Variants in ADGRL3 observed in about 807,000 individuals in gnomAD.
ADGRL3 encodes the protein calcium-independent alpha-latrotoxin receptor 3.
In ADGRL3, 62 loss-of-function variants were observed where a neutral mutation model predicts 153.5. The observed-to-expected ratio is 0.40, with a 90% CI of 0.33 to 0.50. The LOEUF is 0.50. Among genes scored for constraint, ADGRL3 ranks in the 20% least tolerant of loss-of-function variants. ADGRL3 has a pLI of 0.47. For synonymous variants in ADGRL3, 710 were observed against 672.5 expected (o/e 1.06, Z -0.86); for missense variants, 1,641 against 1,859.4 (o/e 0.88, Z 2.16).
chr4:61,455,012 A>T (rs2097718209), intron 2 of ADGRL3, among the ~76,000 whole-genome samples: 1 of 152,160 alleles, frequency 6.6e-6, no homozygotes, highest in Non-Finnish European at 1.5e-5. Context: ...TTTTTCTTGT[A>T]AGTTAGAGCA....
intron 9 of ADGRL3, among the ~76,000 whole-genome samples, chr4:61,881,907 G>A (rs2098510962): frequency 1.3e-5 from 2 of 152,298 alleles, no homozygotes; most frequent in African/African-American, 2.4e-5. Flanking sequence ...TAAGAAAAGA[G>A]TCTAAATCTA....
In ADGRL3 at chr4:61,217,437, G is replaced by A. The variant is rs116501015; in HGVS notation, c.-240+15672G>A. Among the ~76,000 whole-genome samples, 739 of 152,292 alleles carry A rather than the reference G, an allele frequency of 4.9e-3. 7 individuals carry two copies. Among genetic ancestry groups the A allele is most frequent in the African/African-American group, 0.017 (698 of 41,554 alleles). On this transcript the variant is annotated intron_variant, in intron 1 of 26. Coordinates refer to ENST00000683033, the MANE Select transcript of ADGRL3 (RefSeq NM_001387552.1). Reference sequence around the variant, plus strand: ...GACCCAAGCATGTTCTGGTGGAGGAGGTTAATAGAGCTGAGTACAGAGAGG... The same window carrying A: ...GACCCAAGCATGTTCTGGTGGAGGAAGTTAATAGAGCTGAGTACAGAGAGG...
chr4:61,329,113 C>A (rs1229692620), intron 1 of ADGRL3, among the ~76,000 whole-genome samples: 1 of 152,128 alleles, frequency 6.6e-6, no homozygotes, highest in Non-Finnish European at 1.5e-5. Flanking sequence ...CTGATTTTCT[C>A]CCTCTTCCTT....
intron 2 of ADGRL3, among the ~76,000 whole-genome samples, chr4:61,443,353 A>G (rs1375463669): frequency 6.6e-6 from 1 of 152,184 alleles, no homozygotes; most frequent in Non-Finnish European, 1.5e-5. Flanking sequence ...AGTAATTTTT[A>G]TCTTTTAAAG....
chr4:61,660,588 A>G (rs1350732837), intron 5 of ADGRL3, among the ~76,000 whole-genome samples: 1 of 152,134 alleles, frequency 6.6e-6, no homozygotes, highest in Non-Finnish European at 1.5e-5. Context: ...CCCTAACTAA[A>G]TGGTTTCCTA....
chr4:61,499,574 A>C (rs1337878853), intron 3 of ADGRL3, among the ~76,000 whole-genome samples: 2 of 152,208 alleles, frequency 1.3e-5, no homozygotes, highest in African/African-American at 2.4e-5. Flanking sequence ...AATGTAGTAC[A>C]GTGCATAGAA....
At chr4:61,454,416 C>T (rs2097710431) in intron 2 of ADGRL3, among the ~76,000 whole-genome samples, 2 of 152,010 alleles carry the variant, frequency 1.3e-5, no homozygotes, top group Admixed American at 6.6e-5. Flanking sequence ...TTTAAATTTA[C>T]TTCAAAGTAA....
intron 25 of ADGRL3, among the ~76,000 whole-genome samples, chr4:62,065,923 T>A (rs999840611): frequency 6.6e-6 from 1 of 152,078 alleles, no homozygotes; most frequent in Non-Finnish European, 1.5e-5. Flanking sequence ...TGGTTATTGC[T>A]ACTTGGATTG....
intron 2 of ADGRL3, among the ~76,000 whole-genome samples, chr4:61,465,035 A>T (rs527863030): frequency 2.0e-5 from 3 of 152,194 alleles, no homozygotes; most frequent in Non-Finnish European, 4.4e-5. Flanking sequence ...TGGGGTCCCG[A>T]TGCTCAACCA....
At chr4:61,612,936 A>G (rs1193871480) in intron 5 of ADGRL3, among the ~76,000 whole-genome samples, 5 of 152,190 alleles carry the variant, frequency 3.3e-5, no homozygotes, top group African/African-American at 1.2e-4. Context: ...AGAGAGAAGA[A>G]GAAATCTTAG....
In ADGRL3 at chr4:61,615,310, C is replaced by T. The variant is rs1038334142; in HGVS notation, c.473+27870C>T. On this transcript the variant is annotated intron_variant, in intron 5 of 26. Coordinates refer to ENST00000683033, the MANE Select transcript of ADGRL3 (RefSeq NM_001387552.1). ...ATAAAAAGAGTAATTGATCATTTGT[C>T]CTGTCCTTCAAAAGTTCACAGTCGA... is the stretch of plus-strand genomic sequence containing the variant. Among the ~76,000 whole-genome samples the T allele has an allele frequency of 2.0e-5, 3 of 151,910 alleles. No individual in the cohort carries two copies. The South Asian group carries it at 6.2e-4, about 32-fold the overall frequency.
chr4:61,512,447 T>A (rs1209809972), intron 3 of ADGRL3, among the ~76,000 whole-genome samples: 1 of 152,142 alleles, frequency 6.6e-6, no homozygotes, highest in African/African-American at 2.4e-5. Context: ...GGCATTTTTA[T>A]AACCTACTGA....
chr4:61,640,860 T>C (rs1032068681), intron 5 of ADGRL3, among the ~76,000 whole-genome samples: 23 of 152,204 alleles, frequency 1.5e-4, no homozygotes, highest in African/African-American at 5.5e-4. Flanking sequence ...TTATTGTCCT[T>C]TGTGAATTAA....
rs114847066 is a variant in ADGRL3 at position 61,880,812 on chromosome 4, C to T, written c.1481-11844C>T. 7.9e-3 allele frequency among the ~76,000 whole-genome samples: 1,201 copies of T among 152,042 alleles called. 20 individuals are homozygous for T. The highest frequency in any genetic ancestry group is 0.028 in the African/African-American group (1,152 of 41,494). On this transcript the variant is annotated intron_variant, in intron 9 of 26. Transcript: ENST00000683033. Reference sequence around the variant, plus strand: ...GCCAATTATGCAGCTCTTTCTTTTTCGTTATTTAAATTACTTGAAAAAAAT... The same window carrying T: ...GCCAATTATGCAGCTCTTTCTTTTTTGTTATTTAAATTACTTGAAAAAAAT...
intron 25 of ADGRL3, among the ~76,000 whole-genome samples, chr4:62,063,014 T>C (rs915447617): frequency 2.0e-5 from 3 of 152,140 alleles, no homozygotes; most frequent in South Asian, 2.1e-4. Context: ...TCCAAATGAG[T>C]GTTTTATCAT....
At chr4:61,834,115 C>T (rs1032573390) in intron 9 of ADGRL3, among the ~76,000 whole-genome samples, 30 of 140,910 alleles carry the variant, frequency 2.1e-4, no homozygotes, top group Admixed American at 4.3e-4. Context: ...TCCCCCCTTC[C>T]CCCACCCCAC....
At chr4:62,029,132 A>C (rs959520769) in intron 22 of ADGRL3, among the ~76,000 whole-genome samples, 2 of 151,786 alleles carry the variant, frequency 1.3e-5, no homozygotes, top group African/African-American at 4.8e-5. Flanking sequence ...CACAGCAATA[A>C]CAATTTCCTG....
At chr4:61,895,466 AAATAATAATAATAAT>A (rs10603633) in intron 10 of ADGRL3, among the ~76,000 whole-genome samples, 2 of 148,210 alleles carry the variant, frequency 1.3e-5, no homozygotes, top group Non-Finnish European at 1.5e-5. Flanking sequence ...ACTCCATCTC[AAATAATAATAATAAT>A]AATAATAATA....
chr4:61,305,077 G>A (rs866130568), intron 1 of ADGRL3, among the ~76,000 whole-genome samples: 33 of 152,130 alleles, frequency 2.2e-4, no homozygotes, highest in Non-Finnish European at 2.4e-4. Flanking sequence ...AACATCTCAT[G>A]TTTTGTTATT....
Sources: allele counts gnomAD v4.1 joint callset (sites outside exome capture counted in the v4.1 genomes callset), GRCh38; gene constraint gnomAD v4.1.1; transcripts MANE v1.5; gene names NCBI Gene and HGNC (gene_info 2026-07-23, HGNC 2026-07-21).